The following EFCAB5 variants were observed in gnomAD, a reference collection of about 807,000 sequenced individuals.
The protein encoded by EFCAB5 is EF-hand calcium binding domain 5.
EFCAB5 carries 131 observed loss-of-function variants against 167.9 expected under a neutral mutation model. The observed-to-expected ratio is 0.78, with a 90% CI of 0.68 to 0.90. The LOEUF is 0.90. Among genes scored for constraint, EFCAB5 ranks in the 40% least tolerant of loss-of-function variants. The pLI is 0.00. For synonymous variants in EFCAB5, 574 were observed against 602.8 expected, an observed-to-expected ratio of 0.95 and a Z score of 0.70; for missense variants, 1,663 against 1,745.2, an observed-to-expected ratio of 0.95 and a Z score of 0.84.
At position 30,054,129 on chromosome 17, in the gene EFCAB5, C is replaced by T. The variant is rs768541483; in HGVS notation, c.2175C>T (p.Ser725=). ...TGCAAGAGGAAGTTCCAACCTTAAG[C>T]AGAAAAGATCACTTTCCAGGTAGTA... ...SELQEEVPTL[S]RKDHFPETTK... The change falls in exon 10 of 23, where the codon AGC becomes AGT. Residue 725 remains serine (S), a synonymous_variant. Transcript: ENST00000394835. The T allele has an allele frequency of 6.4e-7, 1 of 1,551,980 alleles. No individual in the cohort carries two copies. The highest frequency in any genetic ancestry group is 2.3e-5 in the East Asian group (1 of 43,516).
intron 14 of EFCAB5, among the ~76,000 whole-genome samples, chr17:30,072,838 G>A (rs1481272107): frequency 6.6e-6 from 1 of 152,078 alleles, no homozygotes; most frequent in Non-Finnish European, 1.5e-5. Context: ...AGTATTTAAT[G>A]GGTGTCCATT....
At chr17:30,022,268 G>C (rs936134104) in intron 7 of EFCAB5, among the ~76,000 whole-genome samples, 1 of 152,082 alleles carries the variant, frequency 6.6e-6, no homozygotes, top group African/African-American at 2.4e-5. Context: ...TGTTGTATGG[G>C]AGTGTGTCTG....
At chr17:30,001,904 A>G (rs1248567789) in intron 7 of EFCAB5, among the ~76,000 whole-genome samples, 1 of 152,178 alleles carries the variant, frequency 6.6e-6, no homozygotes, top group Non-Finnish European at 1.5e-5. Context: ...TGCAAATGAG[A>G]CCTAAAAAGG....
intron 4 of EFCAB5, among the ~76,000 whole-genome samples, chr17:29,973,221 GC>G (rs1240659444): frequency 1.3e-5 from 2 of 152,100 alleles, no homozygotes; most frequent in African/African-American, 4.8e-5. Context: ...AGGACTTTGA[GC>G]CACAAACTTT....
intron 4 of EFCAB5, among the ~76,000 whole-genome samples, chr17:29,982,348 G>A (rs1034638031): frequency 6.6e-6 from 1 of 151,986 alleles, no homozygotes; most frequent in African/African-American, 2.4e-5. Flanking sequence ...AGTGAGCCAA[G>A]CACCACTGCA....
intron 8 of EFCAB5, among the ~76,000 whole-genome samples, chr17:30,040,141 G>C (rs1395481117): frequency 1.3e-5 from 2 of 152,178 alleles, no homozygotes; most frequent in South Asian, 4.1e-4. Flanking sequence ...TGGAGTGCAT[G>C]GTAGCTCTTT....
rs139583688 is a variant in EFCAB5 at position 29,991,058 on chromosome 17, T to C, written c.768-2107T>C. 6.3e-3 allele frequency among the ~76,000 whole-genome samples: 965 copies of C among 152,254 alleles called. 5 individuals are homozygous for C. The highest frequency in any genetic ancestry group is 0.022 in the African/African-American group (926 of 41,538). On this transcript the variant is annotated intron_variant, in intron 4 of 22. Transcript: ENST00000394835. Reference sequence around the variant, plus strand: ...TACTTTCCTTCCTCCTCATTATCAGTGTGAAAAGGTTCCAAGGTGGAATGA... The same window carrying C: ...TACTTTCCTTCCTCCTCATTATCAGCGTGAAAAGGTTCCAAGGTGGAATGA...
intron 3 of EFCAB5, among the ~76,000 whole-genome samples, chr17:29,962,462 CT>C (rs2067738868): frequency 1.3e-5 from 2 of 151,342 alleles, no homozygotes; most frequent in African/African-American, 4.9e-5. Context: ...AATTGCTTTC[CT>C]TTTTCCCCCT....
chr17:29,942,174 T>C, intron 1 of EFCAB5, 66 bp from the exon 2 acceptor site: 1 of 1,353,534 alleles, frequency 7.4e-7, no homozygotes, highest in Non-Finnish European at 1.0e-6. Context: ...TGTATTAAAG[T>C]ATGAGACAGT....
In EFCAB5 at chr17:30,003,180, T is replaced by C. The variant is rs2068701061; in HGVS notation, c.1044+3204T>C. 2.0e-5 allele frequency among the ~76,000 whole-genome samples: 3 copies of C among 151,920 alleles called. No homozygotes were observed. The South Asian group carries it at 6.2e-4, about 32-fold the overall frequency. On this transcript the variant is annotated intron_variant, in intron 7 of 22. Transcript: ENST00000394835. ...TCAAGTCCATTGATTCCTTCCTCTG[T>C]CTTTTCCACACTGATGCTAAGCCCA...
chr17:30,046,386 A>G (rs1398642099), intron 8 of EFCAB5, among the ~76,000 whole-genome samples: 1 of 152,208 alleles, frequency 6.6e-6, no homozygotes, highest in Non-Finnish European at 1.5e-5. Flanking sequence ...GCTTCATCTC[A>G]CAGTATTAGA....
intron 4 of EFCAB5, among the ~76,000 whole-genome samples, chr17:29,981,262 C>T (rs1315579656): frequency 6.6e-6 from 1 of 152,170 alleles, no homozygotes; most frequent in African/African-American, 2.4e-5. Context: ...CTTGTCCTTG[C>T]CTGCTTTTCC....
chr17:30,051,193 A>C lies in EFCAB5; in HGVS notation c.1276A>C (p.Ser426Arg). The stretch of plus-strand genomic sequence containing the variant: ...TGACCATAGTTCACAAATGCTTAGG[A>C]GTTTACTTCGAAACCCACGACAATG... ...FYDHSSQMLR[S>R]LLRNPRQWPF... The change falls in exon 9 of 23, where the codon AGT becomes CGT. Residue 426 changes from serine (S) to arginine (R), a missense_variant. Coordinates refer to ENST00000394835, the MANE Select transcript of EFCAB5 (RefSeq NM_198529.4). 6.2e-7 allele frequency: 1 copy of C among 1,614,002 alleles called. No individual in the cohort carries two copies. The highest frequency in any genetic ancestry group is 8.5e-7 in the Non-Finnish European group (1 of 1,179,888).
At chr17:29,934,706 G>A (rs2067230944) in intron 1 of EFCAB5, among the ~76,000 whole-genome samples, 1 of 152,146 alleles carries the variant, frequency 6.6e-6, no homozygotes, top group Non-Finnish European at 1.5e-5. Flanking sequence ...TGACCTGGTG[G>A]TAGAATACTC....
At chr17:30,025,873 C>T (rs2069306342) in intron 7 of EFCAB5, among the ~76,000 whole-genome samples, 2 of 152,004 alleles carry the variant, frequency 1.3e-5, no homozygotes, top group Non-Finnish European at 2.9e-5. Context: ...TTTGTAGGGA[C>T]ATGGATGAAA....
At chr17:30,012,698 C>G (rs1432136879) in intron 7 of EFCAB5, among the ~76,000 whole-genome samples, 1 of 152,156 alleles carries the variant, frequency 6.6e-6, no homozygotes, top group African/African-American at 2.4e-5. Flanking sequence ...TCTTTTATCT[C>G]TTTGTCTTGT....
intron 7 of EFCAB5, among the ~76,000 whole-genome samples, chr17:30,014,313 T>C (rs2068978378): frequency 6.6e-6 from 1 of 152,194 alleles, no homozygotes; most frequent in South Asian, 2.1e-4. Context: ...TAGATGTCTA[T>C]TAGGTCTGCT....
At chr17:30,067,667 G>T (rs1396027266) in intron 14 of EFCAB5, among the ~76,000 whole-genome samples, 1 of 152,072 alleles carries the variant, frequency 6.6e-6, no homozygotes, top group Non-Finnish European at 1.5e-5. Context: ...CAACAAGTTA[G>T]GTTTAGAAGG....
At chr17:29,948,413 C>G (rs1597565874) in intron 3 of EFCAB5, among the ~76,000 whole-genome samples, 1 of 152,072 alleles carries the variant, frequency 6.6e-6, no homozygotes, top group Admixed American at 6.5e-5. Context: ...ATGATATGTA[C>G]TGAAAACATT....
Sources: allele counts gnomAD v4.1 joint callset (sites outside exome capture counted in the v4.1 genomes callset), GRCh38; gene constraint gnomAD v4.1.1; transcripts MANE v1.5; gene names NCBI Gene and HGNC (gene_info 2026-07-23, HGNC 2026-07-21).